CPNE4: variants seen among roughly 807,000 people sequenced by gnomAD.
CPNE4 encodes the protein copine 4, also known as copine-4.
In CPNE4, 25 loss-of-function variants were observed where a neutral mutation model predicts 67.9. The observed-to-expected ratio is 0.37, with a 90% CI of 0.27 to 0.51. The LOEUF (loss-of-function observed/expected upper bound fraction) is 0.51. Among genes scored for constraint, CPNE4 ranks in the 20% least tolerant of loss-of-function variants. The pLI, the probability that CPNE4 is intolerant of heterozygous loss-of-function variation, is 0.93. For missense variants in CPNE4, 464 were observed against 690.8 expected (o/e 0.67, Z 3.68); for synonymous variants, 242 against 244.9 (o/e 0.99, Z 0.11).
intron 7 of CPNE4, among the ~76,000 whole-genome samples, chr3:131,646,398 T>A (rs538189234): frequency 1.3e-5 from 2 of 152,224 alleles, no homozygotes; most frequent in African/African-American, 4.8e-5. Flanking sequence ...GAAAACTATA[T>A]AGTTTTCTCA....
At chr3:131,753,402 A>C (rs1445530646) in intron 2 of CPNE4, among the ~76,000 whole-genome samples, 1 of 152,150 alleles carries the variant, frequency 6.6e-6, no homozygotes, top group Non-Finnish European at 1.5e-5. Flanking sequence ...GAAACATAGA[A>C]GTTTTTAAAA....
intron 2 of CPNE4, among the ~76,000 whole-genome samples, chr3:131,783,987 T>C (rs1306523673): frequency 1.3e-5 from 2 of 152,100 alleles, no homozygotes; most frequent in Non-Finnish European, 2.9e-5. Context: ...TCTGACACCA[T>C]AGGAAAGTAA....
intron 3 of CPNE4, among the ~76,000 whole-genome samples, chr3:131,714,445 T>C (rs995539): frequency 0.75 from 114,648 of 152,178 alleles, 43,618 homozygotes; most frequent in Non-Finnish European, 0.82. Context: ...GCTGTGTACA[T>C]TGGCCTTTTT....
chr3:131,721,653 C>G (rs1271967243), intron 3 of CPNE4, among the ~76,000 whole-genome samples: 1 of 152,018 alleles, frequency 6.6e-6, no homozygotes, highest in Non-Finnish European at 1.5e-5. Flanking sequence ...CCTTGGCTTC[C>G]CAAAGTGCTA....
intron 14 of CPNE4, among the ~76,000 whole-genome samples, chr3:131,549,177 T>C (rs1429692051): frequency 6.6e-6 from 1 of 152,140 alleles, no homozygotes; most frequent in Non-Finnish European, 1.5e-5. Context: ...CATTCTAACA[T>C]GAAGGAAGGC....
intron 2 of CPNE4, among the ~76,000 whole-genome samples, chr3:131,843,438 G>A (rs527783794): frequency 5.3e-5 from 8 of 152,324 alleles, no homozygotes; most frequent in South Asian, 4.1e-4. Context: ...AGGGCAAAGC[G>A]ATATGGAGCA....
At chr3:131,902,966 A>G (rs764519840) in intron 2 of CPNE4, among the ~76,000 whole-genome samples, 7 of 152,112 alleles carry the variant, frequency 4.6e-5, no homozygotes, top group Admixed American at 1.3e-4. Flanking sequence ...AGATTCCCCA[A>G]TCTGCCTATC....
intron 7 of CPNE4, among the ~76,000 whole-genome samples, chr3:131,598,110 G>T (rs563462490): frequency 6.6e-6 from 1 of 152,236 alleles, no homozygotes; most frequent in South Asian, 2.1e-4. Flanking sequence ...GGATCGAAGA[G>T]ATGGGATTCT....
chr3:131,930,122 T>C (rs2071014646), intron 1 of CPNE4, among the ~76,000 whole-genome samples: 1 of 152,148 alleles, frequency 6.6e-6, no homozygotes, highest in South Asian at 2.1e-4. Context: ...CAATGGTTGT[T>C]AACAAGAGGT....
At chr3:131,655,734 C>T (rs1043631420) in intron 7 of CPNE4, among the ~76,000 whole-genome samples, 11 of 152,106 alleles carry the variant, frequency 7.2e-5, no homozygotes, top group Non-Finnish European at 1.6e-4. Flanking sequence ...TTTTCTCACC[C>T]ATTTTAAGAC....
At chr3:132,002,609 G>A (rs982014961) in intron 1 of CPNE4, among the ~76,000 whole-genome samples, 2 of 152,088 alleles carry the variant, frequency 1.3e-5, no homozygotes, top group African/African-American at 2.4e-5. Flanking sequence ...AAAATATGAC[G>A]CAGGATTTAT....
chr3:131,970,982 A>G (rs1024034326), intron 1 of CPNE4, among the ~76,000 whole-genome samples: 1 of 152,258 alleles, frequency 6.6e-6, no homozygotes, highest in African/African-American at 2.4e-5. Flanking sequence ...GAATTTGAGA[A>G]GGATCAATTC....
intron 6 of CPNE4, among the ~76,000 whole-genome samples, chr3:131,671,459 A>ATGTATGTGTGTGTG (rs1491205483): frequency 5.3e-4 from 70 of 131,364 alleles, no homozygotes; most frequent in African/African-American, 1.8e-3. Flanking sequence ...GAGTGTACAC[A>ATGTATGTGTGTGTG]TGTGTGTGTG....
chr3:131,929,196 C>CAAAAAAAAAAAAAAA, intron 1 of CPNE4, among the ~76,000 whole-genome samples: 1 of 98,842 alleles, frequency 1.0e-5, no homozygotes, highest in Non-Finnish European at 2.0e-5. Flanking sequence ...TTGTCCTCAC[C>CAAAAAAAAAAAAAAA]AAAAAAAAAA....
chr3:131,676,939 T>G (rs1658519389), intron 6 of CPNE4, among the ~76,000 whole-genome samples: 1 of 152,010 alleles, frequency 6.6e-6, no homozygotes, highest in Non-Finnish European at 1.5e-5. Flanking sequence ...GTCTCGAGGT[T>G]TTTGAGGAAT....
At chr3:131,848,377 T>C (rs2086087465) in intron 2 of CPNE4, among the ~76,000 whole-genome samples, 1 of 152,190 alleles carries the variant, frequency 6.6e-6, no homozygotes, top group Admixed American at 6.6e-5. Context: ...CTCCCTACTT[T>C]ATCTCATCAC....
At chr3:131,953,777 G>A (rs909841934) in intron 1 of CPNE4, among the ~76,000 whole-genome samples, 5 of 152,184 alleles carry the variant, frequency 3.3e-5, no homozygotes, top group African/African-American at 1.2e-4. Flanking sequence ...AGAGAGGTTG[G>A]TTAATGAGTA....
intron 2 of CPNE4, among the ~76,000 whole-genome samples, chr3:131,770,911 A>C (rs1489353542): frequency 1.3e-5 from 2 of 152,204 alleles, no homozygotes; most frequent in Admixed American, 1.3e-4. Context: ...AAAAATATGG[A>C]GACATTACAT....
chr3:131,715,611 G>T (rs2081664951), intron 3 of CPNE4, among the ~76,000 whole-genome samples: 1 of 152,216 alleles, frequency 6.6e-6, no homozygotes, highest in East Asian at 1.9e-4. Flanking sequence ...CTGATTAAAT[G>T]AAGTGCAGTA....
Sources: gnomAD v4.1 joint callset for allele counts (sites outside exome capture counted in the v4.1 genomes callset) on GRCh38, gnomAD v4.1.1 for gene constraint, MANE v1.5 for transcripts, NCBI Gene and HGNC (gene_info 2026-07-23, HGNC 2026-07-21) for gene names.